LEPR: variants seen among roughly 807,000 people sequenced by gnomAD.
LEPR encodes the protein leptin receptor.
In LEPR, 56 loss-of-function variants were observed where a neutral mutation model predicts 114.7. The observed-to-expected ratio is 0.49, with a 90% confidence interval of 0.39 to 0.61. The LOEUF is 0.61. Ranked by LOEUF, LEPR falls within the 20% of genes least tolerant of loss-of-function variation. The pLI is 0.00. For missense variants in LEPR, 1,202 were observed against 1,352.9 expected (o/e 0.89, Z 1.75); for synonymous variants, 443 against 461.4 (o/e 0.96, Z 0.51).
intron 6 of LEPR, among the ~76,000 whole-genome samples, chr1:65,595,054 T>C (rs1269041959): frequency 2.0e-5 from 3 of 152,028 alleles, no homozygotes; most frequent in African/African-American, 7.2e-5. Flanking sequence ...ATGCATGCTA[T>C]GGAATGACTA....
chr1:65,455,216 C>A (rs990523298), intron 2 of LEPR, among the ~76,000 whole-genome samples: 4 of 152,118 alleles, frequency 2.6e-5, no homozygotes, highest in African/African-American at 9.7e-5. Flanking sequence ...AACTTCTTTG[C>A]CTTTGGTTTG....
chr1:65,553,599 C>A (rs1652587302), intron 2 of LEPR, among the ~76,000 whole-genome samples: 1 of 152,044 alleles, frequency 6.6e-6, no homozygotes, highest in South Asian at 2.1e-4. Flanking sequence ...ACTGGTTTTT[C>A]TAGTTCGCAA....
chr1:65,495,637 T>C (rs1268527659), intron 2 of LEPR, among the ~76,000 whole-genome samples: 2 of 152,168 alleles, frequency 1.3e-5, no homozygotes, highest in South Asian at 2.1e-4. Context: ...AGACAAGATA[T>C]GGAATCAACC....
chr1:65,634,616 C>T (rs1408425243), intron 19 of LEPR: 15 of 965,906 alleles, frequency 1.6e-5, no homozygotes, highest in Non-Finnish European at 1.8e-5. Context: ...TTGCTTTCAA[C>T]AGTTACTGAG....
intron 2 of LEPR, among the ~76,000 whole-genome samples, chr1:65,507,437 T>TTGTGTGTG (rs141990947): frequency 0.19 from 25,756 of 138,536 alleles, 2,722 homozygotes; most frequent in Middle Eastern, 0.32. Context: ...TAGTATTCCA[T>TTGTGTGTG]TGTGTGTGTG....
rs1311481186 is a variant in LEPR, at chr1:65,488,236, C to CTT, written c.-21+62860_-21+62861dup. Among the ~76,000 whole-genome samples the CTT allele has an allele frequency of 2.9e-4, 31 of 108,556 alleles. 3 individuals are homozygous for CTT. Among genetic ancestry groups the CTT allele is most frequent in the African/African-American group, 8.2e-4 (23 of 27,954 alleles). The allele number at this position is 108,556 out of a possible 152,430, so 71.2% of individuals were successfully genotyped here. On this transcript the variant is annotated intron_variant, in intron 2 of 19. Coordinates refer to ENST00000349533, the MANE Select transcript of LEPR (RefSeq NM_002303.6). Reference sequence around the variant, plus strand: ...TCTCTCTCTCTCTCTCTCTTTCTTTCTTTCTTTCTTTCTTTCTTTCTTTTC... The same window carrying CTT: ...TCTCTCTCTCTCTCTCTCTTTCTTTCTTTTTCTTTCTTTCTTTCTTTCTTTTC...
chr1:65,511,656 A>G lies in LEPR; in HGVS notation c.-20-53890A>G, dbSNP rs1177725105. 4.6e-5 allele frequency among the ~76,000 whole-genome samples: 7 copies of G among 152,332 alleles called. No homozygotes were observed. The East Asian group carries it at 1.4e-3, about 29-fold the overall frequency. ...AAAAATTTCACATTCCAATTCTGCC[A>G]TGCAAGAGGTAGTTGAATGAACAGG... On this transcript the variant is annotated intron_variant, in intron 2 of 19. Coordinates refer to ENST00000349533, the MANE Select transcript of LEPR (RefSeq NM_002303.6).
At chr1:65,549,828 C>T (rs1217115760) in intron 2 of LEPR, among the ~76,000 whole-genome samples, 2 of 152,212 alleles carry the variant, frequency 1.3e-5, no homozygotes, top group African/African-American at 2.4e-5. Flanking sequence ...AAGTCATTCT[C>T]CATCCAGCTT....
intron 2 of LEPR, among the ~76,000 whole-genome samples, chr1:65,520,016 A>C (rs1649549996): frequency 6.6e-6 from 1 of 151,964 alleles, no homozygotes. Context: ...GGGGCCTGCC[A>C]CCACGCCCGG....
rs1206728435 is a variant in LEPR, at chr1:65,617,819, G to A, written c.2213-145G>A. ...TTTAAATGACTCTCATGATGCAAAAGTAATTGTCATGTATCATATTTATTT... is the reference window on the plus strand; with the variant it reads ...TTTAAATGACTCTCATGATGCAAAAATAATTGTCATGTATCATATTTATTT... On this transcript the variant is annotated intron_variant, in intron 15 of 19. Transcript: ENST00000349533. The A allele has an allele frequency of 2.9e-5, 22 of 765,848 alleles. No homozygotes were observed. In the East Asian group the frequency reaches 5.4e-4, roughly 19 times the overall value. 47.4% of individuals were successfully genotyped at this position (765,848 alleles called of 1,614,324 possible).
At chr1:65,552,327 T>A (rs532436184) in intron 2 of LEPR, among the ~76,000 whole-genome samples, 1 of 152,292 alleles carries the variant, frequency 6.6e-6, no homozygotes, top group Non-Finnish European at 1.5e-5. Context: ...CCCACTATTA[T>A]CATGTGGCAG....
intron 2 of LEPR, among the ~76,000 whole-genome samples, chr1:65,537,349 A>G (rs544080286): frequency 1.3e-4 from 20 of 152,308 alleles, no homozygotes; most frequent in Non-Finnish European, 2.6e-4. Flanking sequence ...CCTCTGCTCT[A>G]CTACCTACAC....
chr1:65,564,979 T>C (rs1256033714), intron 2 of LEPR, among the ~76,000 whole-genome samples: 1 of 152,226 alleles, frequency 6.6e-6, no homozygotes, highest in East Asian at 1.9e-4. Flanking sequence ...CACCAGACTT[T>C]TAATTATTCT....
chr1:65,574,365 TG>T (rs1327010047), intron 5 of LEPR, among the ~76,000 whole-genome samples: 1 of 152,170 alleles, frequency 6.6e-6, no homozygotes, highest in Non-Finnish European at 1.5e-5. Flanking sequence ...ACCTGCACGT[TG>T]TGCACATGTA....
At chr1:65,575,702 T>G (rs1654537837) in intron 5 of LEPR, among the ~76,000 whole-genome samples, 1 of 151,520 alleles carries the variant, frequency 6.6e-6, no homozygotes, top group Non-Finnish European at 1.5e-5. Flanking sequence ...AAGTTCCTGA[T>G]AAGATAAAAA....
intron 6 of LEPR, among the ~76,000 whole-genome samples, chr1:65,595,316 A>C (rs1223539631): frequency 6.6e-6 from 1 of 152,056 alleles, no homozygotes; most frequent in Non-Finnish European, 1.5e-5. Context: ...GGACTCCTTC[A>C]TGGCCTCCCA....
At chr1:65,488,293 T>G (rs1376622326) in intron 2 of LEPR, among the ~76,000 whole-genome samples, 1 of 146,062 alleles carries the variant, frequency 6.8e-6, no homozygotes, top group Non-Finnish European at 1.5e-5. Flanking sequence ...CCTCCCTCTC[T>G]CTCTCTCTCT....
chr1:65,473,762 A>G (rs930588996), intron 2 of LEPR, among the ~76,000 whole-genome samples: 4 of 152,342 alleles, frequency 2.6e-5, no homozygotes, highest in African/African-American at 4.8e-5. Context: ...TGCTGGCACT[A>G]TCTTCAATAA....
intron 2 of LEPR, among the ~76,000 whole-genome samples, chr1:65,468,694 A>G (rs1352073727): frequency 6.6e-6 from 1 of 152,222 alleles, no homozygotes; most frequent in African/African-American, 2.4e-5. Flanking sequence ...TGGAGGAGCT[A>G]TAGCTCTATG....
Sources: gnomAD v4.1 joint callset for allele counts (sites outside exome capture counted in the v4.1 genomes callset) on GRCh38, gnomAD v4.1.1 for gene constraint, MANE v1.5 for transcripts, NCBI Gene and HGNC (gene_info 2026-07-23, HGNC 2026-07-21) for gene names.